Variants in EYS observed in about 807,000 individuals in gnomAD.
EYS encodes the protein protein eyes shut homolog.
EYS carries 250 observed loss-of-function variants against 282.1 expected under a neutral mutation model. The ratio of observed to expected loss-of-function variants is 0.89; its 90% CI spans 0.80 to 0.98. The LOEUF (loss-of-function observed/expected upper bound fraction) is 0.98. Ranked by LOEUF, EYS falls within the 50% of genes least tolerant of loss-of-function variation. The pLI is 0.00. For synonymous variants in EYS, 1,355 were observed against 1,282.9 expected (o/e 1.06, Z -1.20); for missense variants, 4,016 against 3,709.0 (o/e 1.08, Z -2.15).
At chr6:64,217,953 A>C (rs1382798318) in intron 31 of EYS, among the ~76,000 whole-genome samples, 1 of 152,204 alleles carries the variant, frequency 6.6e-6, no homozygotes, top group East Asian at 1.9e-4. Context: ...GCAGAGCTGA[A>C]GCAGTTTGTA....
intron 22 of EYS, among the ~76,000 whole-genome samples, chr6:64,780,117 A>G (rs1430122094): frequency 2.0e-5 from 3 of 152,326 alleles, no homozygotes; most frequent in East Asian, 3.9e-4. Context: ...CATGAGCTAA[A>G]TAAGTAGATA....
At chr6:64,723,831 C>T (rs1003560409) in intron 22 of EYS, among the ~76,000 whole-genome samples, 1 of 152,116 alleles carries the variant, frequency 6.6e-6, no homozygotes, top group African/African-American at 2.4e-5. Context: ...ACCCTGTTAA[C>T]TCTATGTTCC....
At chr6:64,659,048 G>A (rs1562117774) in intron 22 of EYS, among the ~76,000 whole-genome samples, 1 of 152,022 alleles carries the variant, frequency 6.6e-6, no homozygotes, top group South Asian at 2.1e-4. Flanking sequence ...TCAGACCAGA[G>A]TGCAACCAAA....
intron 26 of EYS, among the ~76,000 whole-genome samples, chr6:64,535,755 G>GA (rs912606389): frequency 2.0e-5 from 3 of 151,538 alleles, no homozygotes; most frequent in African/African-American, 4.8e-5. Flanking sequence ...AAAAAAAAAA[G>GA]AAAAAAATTC....
chr6:64,140,422 T>C lies in EYS; in HGVS notation c.6425-58420A>G, dbSNP rs544968226. Among the ~76,000 whole-genome samples the C allele has an allele frequency of 1.0e-3, 152 of 152,354 alleles. 1 individual carries two copies. Among genetic ancestry groups the C allele is most frequent in the Non-Finnish European group, 1.2e-3 (84 of 68,030 alleles). Reference sequence around the variant, plus strand: ...GTTTAATATTAGTAGTTCTGGTGGATACTTTGTGTTACTTCTTCAGATGTA... The same window carrying C: ...GTTTAATATTAGTAGTTCTGGTGGACACTTTGTGTTACTTCTTCAGATGTA... On this transcript the variant is annotated intron_variant, in intron 31 of 42. Transcript: ENST00000503581.
At chr6:64,415,819 C>T (rs1413546619) in intron 28 of EYS, among the ~76,000 whole-genome samples, 1 of 152,262 alleles carries the variant, frequency 6.6e-6, no homozygotes, top group East Asian at 1.9e-4. Context: ...TCTCAAGCCT[C>T]AGACAAATGG....
At chr6:64,657,713 C>T (rs1050472676) in intron 22 of EYS, among the ~76,000 whole-genome samples, 2 of 152,186 alleles carry the variant, frequency 1.3e-5, no homozygotes, top group Non-Finnish European at 1.5e-5. Context: ...AGAGTTTCTG[C>T]CGAGAGATCA....
At chr6:64,125,557 G>C (rs977567133) in intron 31 of EYS, among the ~76,000 whole-genome samples, 1 of 151,804 alleles carries the variant, frequency 6.6e-6, no homozygotes, top group Non-Finnish European at 1.5e-5. Context: ...AGGCTGAGGC[G>C]GGCGGATCGT....
intron 5 of EYS, among the ~76,000 whole-genome samples, chr6:65,463,079 G>C (rs2150410858): frequency 6.6e-6 from 1 of 152,168 alleles, no homozygotes; most frequent in Non-Finnish European, 1.5e-5. Context: ...CAGAATGACT[G>C]TTTCCAAACA....
intron 33 of EYS, among the ~76,000 whole-genome samples, chr6:64,035,184 A>G (rs961841433): frequency 6.6e-6 from 1 of 152,196 alleles, no homozygotes; most frequent in East Asian, 1.9e-4. Context: ...AATAATGACT[A>G]TTTTAATTAC....
At chr6:65,644,120 C>A (rs2351499) in intron 1 of EYS, among the ~76,000 whole-genome samples, 124,985 of 152,164 alleles carry the variant, frequency 0.82, 51,414 homozygotes, top group East Asian at 0.85. Flanking sequence ...TTATTAAGCT[C>A]ATCAATGAGG....
intron 29 of EYS, among the ~76,000 whole-genome samples, chr6:64,358,201 T>C (rs887462369): frequency 2.6e-5 from 4 of 151,622 alleles, no homozygotes; most frequent in African/African-American, 9.7e-5. Flanking sequence ...TCTGTGTCCA[T>C]GGGTGTTTGT....
At chr6:64,626,034 T>C in intron 23 of EYS, 87 bp downstream of exon 23, 2 of 767,750 alleles carry the variant, frequency 2.6e-6, no homozygotes, top group Non-Finnish European at 4.1e-6. Context: ...TTGTCAAAAT[T>C]GTATTATACA....
chr6:64,216,996 C>T (rs79633128), intron 31 of EYS, among the ~76,000 whole-genome samples: 4,128 of 152,158 alleles, frequency 0.027, 60 homozygotes, highest in African/African-American at 0.043. Context: ...AATAGATGTG[C>T]CTGCAGGATA....
intron 22 of EYS, among the ~76,000 whole-genome samples, chr6:64,724,957 A>G (rs1771705079): frequency 6.6e-6 from 1 of 152,152 alleles, no homozygotes; most frequent in African/African-American, 2.4e-5. Context: ...AAGAATTTCA[A>G]CTCTAGAAAC....
intron 26 of EYS, among the ~76,000 whole-genome samples, chr6:64,445,083 T>C (rs973690139): frequency 6.6e-6 from 1 of 152,180 alleles, no homozygotes; most frequent in African/African-American, 2.4e-5. Context: ...TAATAGAAAA[T>C]ATAATTGCTT....
chr6:65,674,170 T>C (rs1337552456), intron 1 of EYS, among the ~76,000 whole-genome samples: 1 of 151,746 alleles, frequency 6.6e-6, no homozygotes, highest in East Asian at 2.0e-4. Context: ...AGGGAACAAA[T>C]ACACATTATG....
intron 13 of EYS, among the ~76,000 whole-genome samples, chr6:65,053,842 TA>T (rs1773342761): frequency 6.6e-6 from 1 of 152,052 alleles, no homozygotes; most frequent in Admixed American, 6.6e-5. Context: ...TCCAAACAAG[TA>T]AAGTTATCAA....
intron 12 of EYS, among the ~76,000 whole-genome samples, chr6:65,144,261 T>C (rs978178108): frequency 2.6e-5 from 4 of 152,144 alleles, no homozygotes; most frequent in Admixed American, 6.6e-5. Context: ...CTATTCTAGA[T>C]TCTGATCTGA....
Sources: gnomAD v4.1 joint callset for allele counts (sites outside exome capture counted in the v4.1 genomes callset) on GRCh38, gnomAD v4.1.1 for gene constraint, MANE v1.5 for transcripts, NCBI Gene and HGNC (gene_info 2026-07-23, HGNC 2026-07-21) for gene names.